UNC5D: variants seen among roughly 807,000 people sequenced by gnomAD.
The protein encoded by UNC5D is netrin receptor UNC5D.
In UNC5D, 39 loss-of-function variants were observed where a neutral mutation model predicts 105.4. The ratio of observed to expected loss-of-function variants is 0.37; its 90% confidence interval spans 0.29 to 0.48. UNC5D has a LOEUF of 0.48. Ranked by LOEUF, UNC5D falls within the 20% of genes least tolerant of loss-of-function variation. UNC5D has a pLI of 0.98. For missense variants in UNC5D, 991 were observed against 1,202.4 expected (o/e 0.82, Z 2.60); for synonymous variants, 452 against 450.4 (o/e 1.00, Z -0.04).
chr8:35,774,533 A>G (rs1391071383), intron 16 of UNC5D, 56 bp downstream of exon 16: 4 of 1,585,726 alleles, frequency 2.5e-6, no homozygotes, highest in Non-Finnish European at 3.4e-6. Context: ...GGAAACATAA[A>G]GTGGGCTAAG....
At chr8:35,511,875 C>G (rs1350896190) in intron 1 of UNC5D, among the ~76,000 whole-genome samples, 8 of 152,190 alleles carry the variant, frequency 5.3e-5, no homozygotes, top group Admixed American at 5.2e-4. Context: ...CTGTCTGACT[C>G]TAAAACTGAT....
chr8:35,337,438 T>C (rs189289056), intron 1 of UNC5D, among the ~76,000 whole-genome samples: 71 of 152,350 alleles, frequency 4.7e-4, no homozygotes, highest in Non-Finnish European at 7.9e-4. Context: ...AAAGTAATGT[T>C]GGATCCCTAG....
At chr8:35,288,725 A>C (rs1806805835) in intron 1 of UNC5D, among the ~76,000 whole-genome samples, 1 of 152,198 alleles carries the variant, frequency 6.6e-6, no homozygotes, top group Non-Finnish European at 1.5e-5. Context: ...AGTTGTTGGG[A>C]GGGTGAAAGT....
rs189663165 is a variant in UNC5D, at chr8:35,595,691, G to A, written c.570+34G>A. The A allele has an allele frequency of 1.5e-4, 237 of 1,597,190 alleles. No individual in the cohort carries two copies. The African/African-American group carries it at 2.5e-3, about 17-fold the overall frequency. ...GGATCCTGGGACCAGTCACCGGGAG[G>A]AACCAGGCCTGTTCCCAAGAGGGAG... On this transcript the variant is annotated intron_variant, in intron 4 of 16. Coordinates refer to ENST00000404895, the MANE Select transcript of UNC5D (RefSeq NM_080872.4).
intron 1 of UNC5D, among the ~76,000 whole-genome samples, chr8:35,387,935 C>T (rs552979042): frequency 1.2e-4 from 19 of 152,076 alleles, no homozygotes; most frequent in Non-Finnish European, 2.5e-4. Flanking sequence ...GAAAATTGAT[C>T]GGCTAAGTAA....
At chr8:35,730,396 A>C (rs1829120279) in intron 10 of UNC5D, among the ~76,000 whole-genome samples, 1 of 152,054 alleles carries the variant, frequency 6.6e-6, no homozygotes, top group African/African-American at 2.4e-5. Flanking sequence ...TTTCGCCTTA[A>C]CCCTTTCTAG....
intron 1 of UNC5D, among the ~76,000 whole-genome samples, chr8:35,531,047 C>T (rs2071140047): frequency 1.3e-5 from 2 of 150,134 alleles, no homozygotes; most frequent in South Asian, 4.3e-4. Flanking sequence ...CTATTTCCTT[C>T]AGTTCTGCTC....
At chr8:35,476,815 G>A (rs1810136358) in intron 1 of UNC5D, among the ~76,000 whole-genome samples, 1 of 152,134 alleles carries the variant, frequency 6.6e-6, no homozygotes, top group Non-Finnish European at 1.5e-5. Context: ...GAAGGATTTT[G>A]CATACATATT....
chr8:35,398,376 T>C (rs895945546), intron 1 of UNC5D, among the ~76,000 whole-genome samples: 5 of 152,204 alleles, frequency 3.3e-5, no homozygotes, highest in African/African-American at 1.2e-4. Context: ...TCATAATTTA[T>C]GTGATTATTT....
chr8:35,720,367 G>C (rs1177165269), intron 8 of UNC5D, among the ~76,000 whole-genome samples: 2 of 152,212 alleles, frequency 1.3e-5, no homozygotes, highest in African/African-American at 4.8e-5. Context: ...TGCTGAGCAG[G>C]TGTGTTCTCC....
chr8:35,719,411 T>G (rs539951386), intron 8 of UNC5D, among the ~76,000 whole-genome samples: 16 of 151,906 alleles, frequency 1.1e-4, no homozygotes, highest in Non-Finnish European at 2.2e-4. Flanking sequence ...ACCAGGTAGA[T>G]CGAAGAGAGA....
chr8:35,489,383 A>C (rs573440995), intron 1 of UNC5D, among the ~76,000 whole-genome samples: 1 of 152,238 alleles, frequency 6.6e-6, no homozygotes, highest in South Asian at 2.1e-4. Flanking sequence ...CCAGTGTCTC[A>C]GAATGTGATT....
chr8:35,637,639 GCAGA>G (rs912076420), intron 4 of UNC5D, among the ~76,000 whole-genome samples: 18 of 152,278 alleles, frequency 1.2e-4, no homozygotes, highest in Admixed American at 9.8e-4. Context: ...CATATTAACT[GCAGA>G]ATTAAACACA....
chr8:35,317,830 A>ACT (rs2050414987), intron 1 of UNC5D, among the ~76,000 whole-genome samples: 1 of 79,376 alleles, frequency 1.3e-5, no homozygotes, highest in East Asian at 3.3e-4. Flanking sequence ...TCACTGTAGG[A>ACT]CTACCTTGTG....
chr8:35,631,379 G>C (rs1022509664), intron 4 of UNC5D, among the ~76,000 whole-genome samples: 2 of 152,068 alleles, frequency 1.3e-5, no homozygotes, highest in Non-Finnish European at 2.9e-5. Context: ...GAGACTCAGA[G>C]AGGCCTGATG....
intron 1 of UNC5D, among the ~76,000 whole-genome samples, chr8:35,512,525 ATTCAGATATG>A (rs1812802694): frequency 1.0e-5 from 1 of 96,160 alleles, no homozygotes; most frequent in African/African-American, 4.8e-5. Context: ...TAGATTATAT[ATTCAGATATG>A]TATGTATATA....
At chr8:35,249,110 A>G (rs1803499466) in intron 1 of UNC5D, among the ~76,000 whole-genome samples, 2 of 130,120 alleles carry the variant, frequency 1.5e-5, no homozygotes, top group South Asian at 4.3e-4. Context: ...AAAAATATAT[A>G]TATTATATAT....
At chr8:35,400,500 T>G (rs1804387692) in intron 1 of UNC5D, among the ~76,000 whole-genome samples, 2 of 152,210 alleles carry the variant, frequency 1.3e-5, no homozygotes, top group Admixed American at 1.3e-4. Flanking sequence ...TGCTGGTCTT[T>G]TCTGTTCCTT....
At chr8:35,386,766 A>G (rs928743195) in intron 1 of UNC5D, among the ~76,000 whole-genome samples, 69 of 152,336 alleles carry the variant, frequency 4.5e-4, no homozygotes, top group African/African-American at 1.6e-3. Flanking sequence ...AACATAGGAA[A>G]TGTCTAAATC....
Sources: allele counts gnomAD v4.1 joint callset (sites outside exome capture counted in the v4.1 genomes callset), GRCh38; gene constraint gnomAD v4.1.1; transcripts MANE v1.5; gene names NCBI Gene and HGNC (gene_info 2026-07-23, HGNC 2026-07-21).